Variants in EIF2AK1 observed in about 807,000 individuals in gnomAD.
EIF2AK1 encodes eukaryotic translation initiation factor 2-alpha kinase 1.
EIF2AK1 carries 54 observed loss-of-function variants against 77.9 expected under a neutral mutation model. The ratio of observed to expected loss-of-function variants is 0.69; its 90% confidence interval spans 0.56 to 0.87. EIF2AK1 has a LOEUF of 0.87. EIF2AK1 is among the 40% of genes least tolerant of loss of function. The pLI, the probability that EIF2AK1 is intolerant of heterozygous loss-of-function variation, is 0.00. For missense variants in EIF2AK1, 810 were observed against 768.6 expected, an observed-to-expected ratio of 1.05 and a Z score of -0.64; for synonymous variants, 314 against 290.5, an observed-to-expected ratio of 1.08 and a Z score of -0.82.
chr7:6,056,936 C>A (rs1190548865), intron 1 of EIF2AK1, among the ~76,000 whole-genome samples: 1 of 151,642 alleles, frequency 6.6e-6, no homozygotes, highest in Non-Finnish European at 1.5e-5. Context: ...TTAAAATTTT[C>A]TTCTGTTAAT....
intron 5 of EIF2AK1, 31 bp from the exon 6 acceptor site, chr7:6,046,182 T>A: frequency 3.1e-6 from 4 of 1,296,230 alleles, no homozygotes; most frequent in Non-Finnish European, 4.3e-6. Context: ...CAAAGTATAT[T>A]GTGTCATTAA....
chr7:6,043,326 C>T (rs1788349265), intron 7 of EIF2AK1, among the ~76,000 whole-genome samples: 1 of 152,110 alleles, frequency 6.6e-6, no homozygotes, highest in Non-Finnish European at 1.5e-5. Flanking sequence ...CCTGTAATCC[C>T]AACTCTTTGG....
chr7:6,053,689 T>C (rs995188988), intron 2 of EIF2AK1, among the ~76,000 whole-genome samples: 7 of 108,390 alleles, frequency 6.5e-5, no homozygotes, highest in African/African-American at 2.2e-4. Flanking sequence ...TTTTTTGAGA[T>C]GGACTTTAGC....
At position 6,036,568 on chromosome 7, in the gene EIF2AK1, G is replaced by GTT. The variant is rs113118485; in HGVS notation, c.1332+854_1332+855dup. On this transcript the variant is annotated intron_variant, in intron 11 of 14. Transcript: ENST00000199389. This position sits in a 1 kb window ranked among gnomAD's most constrained non-coding sequence, Gnocchi z 4.6. ...TGTCTATTAACATTTTTGTTCCTAG[G>GTT]TTTTTTTTTTTTTCATGCCCTTTCC... Among the ~76,000 whole-genome samples, 6 of 144,018 alleles carry GTT rather than the reference G, an allele frequency of 4.2e-5. No homozygotes were observed. Among genetic ancestry groups the GTT allele is most frequent in the African/African-American group, 1.0e-4 (4 of 39,384 alleles). 94.5% of individuals were successfully genotyped at this position (144,018 alleles called of 152,430 possible). A position where few individuals can be genotyped will look rare whatever the true frequency, so the allele number is the denominator to read the frequency against.
In EIF2AK1 at chr7:6,036,268, G is replaced by A. The variant is rs750797103; in HGVS notation, c.1332+1156C>T. The A allele has an allele frequency of 3.2e-6, 5 of 1,549,760 alleles. No individual in the cohort carries two copies. Among genetic ancestry groups the A allele is most frequent in the South Asian group, 2.4e-5 (2 of 83,978 alleles). On this transcript the variant is annotated intron_variant, in intron 11 of 14. Coordinates refer to ENST00000199389, the MANE Select transcript of EIF2AK1 (RefSeq NM_014413.4). The surrounding 1 kb of genome is among the most constrained non-coding windows in gnomAD (Gnocchi z 4.6). ...AAACCTTTATCCCTACAGGGTATCT[G>A]CAAAAGAAACATCAGGAATATTTAT...
At chr7:6,053,377 TG>T (rs1583499529) in intron 2 of EIF2AK1, among the ~76,000 whole-genome samples, 3 of 152,332 alleles carry the variant, frequency 2.0e-5, no homozygotes. Context: ...ATTTTTATTT[TG>T]TTGAGACTGA....
At chr7:6,047,550 G>C (rs1177333354) in intron 4 of EIF2AK1, among the ~76,000 whole-genome samples, 1 of 151,906 alleles carries the variant, frequency 6.6e-6, no homozygotes, top group Non-Finnish European at 1.5e-5. Flanking sequence ...GCGGGTGCCT[G>C]TAATCCCAGC....
intron 5 of EIF2AK1, chr7:6,046,425 G>T: frequency 4.5e-6 from 1 of 221,812 alleles, no homozygotes. Flanking sequence ...AACTTTTTTT[G>T]GTAACACATT....
intron 2 of EIF2AK1, among the ~76,000 whole-genome samples, chr7:6,054,048 A>T (rs1427563192): frequency 6.6e-6 from 1 of 151,714 alleles, no homozygotes; most frequent in African/African-American, 2.4e-5. Flanking sequence ...CAAATACTAG[A>T]TCCAATTTAT....
intron 11 of EIF2AK1, chr7:6,031,678 C>A: frequency 2.3e-6 from 3 of 1,322,470 alleles, no homozygotes; most frequent in Non-Finnish European, 3.2e-6. Flanking sequence ...ACCCACTAAG[C>A]TCACGGCCCT....
intron 1 of EIF2AK1, among the ~76,000 whole-genome samples, chr7:6,056,613 A>AAAATATATATATATATATATATAT: frequency 2.7e-4 from 12 of 43,724 alleles, no homozygotes; most frequent in Non-Finnish European, 3.8e-4. Flanking sequence ...AAAAAAAAAA[A>AAAATATATATATATATATATATAT]ATATATATAT....
intron 6 of EIF2AK1, among the ~76,000 whole-genome samples, chr7:6,045,109 A>AC (rs1788409009): frequency 6.9e-6 from 1 of 144,336 alleles, no homozygotes; most frequent in Admixed American, 7.0e-5. Context: ...AATAATAGAA[A>AC]TTTTTTTTTT....
chr7:6,035,588 T>C lies in EIF2AK1; in HGVS notation c.1332+1836A>G. 2 of 1,551,140 alleles carry C rather than the reference T, an allele frequency of 1.3e-6. No homozygotes were observed. The highest frequency in any genetic ancestry group is 1.7e-6 in the Non-Finnish European group (2 of 1,147,088). ...GCATCACATGTCTCCGCATCTTGTGTGCGCACGGAGCTCAAGTGAACACTC... is the reference window on the plus strand; with the variant it reads ...GCATCACATGTCTCCGCATCTTGTGCGCGCACGGAGCTCAAGTGAACACTC... On this transcript the variant is annotated intron_variant, in intron 11 of 14. Coordinates refer to ENST00000199389, the MANE Select transcript of EIF2AK1 (RefSeq NM_014413.4). The surrounding 1 kb of genome is among the most constrained non-coding windows in gnomAD (Gnocchi z 5.5).
Position 6,023,882 on chromosome 7 carries a change from G to A in EIF2AK1, c.*791C>T, listed in dbSNP as rs1317035483. ...TCAGCAAAATCATACGCCATCTACCGTGATGACTGCCAACTCCATGGCAGA... is the reference window on the plus strand; with the variant it reads ...TCAGCAAAATCATACGCCATCTACCATGATGACTGCCAACTCCATGGCAGA... On this transcript the variant is annotated 3_prime_UTR_variant, in exon 15 of 15. Coordinates refer to ENST00000199389, the MANE Select transcript of EIF2AK1 (RefSeq NM_014413.4). 19 of 1,523,824 alleles carry A rather than the reference G, an allele frequency of 1.2e-5. No homozygotes were observed. In the Admixed American group the frequency reaches 1.6e-4, roughly 13 times the overall value. The allele number at this position is 1,523,824 out of a possible 1,614,324, so 94.4% of individuals were successfully genotyped here. A position where few individuals can be genotyped will look rare whatever the true frequency, so the allele number is the denominator to read the frequency against.
chr7:6,027,688 A>G lies in EIF2AK1; in HGVS notation c.1531-727T>C, dbSNP rs1313912147. Among the ~76,000 whole-genome samples the G allele has an allele frequency of 2.0e-5, 3 of 152,092 alleles. No homozygotes were observed. The highest frequency in any genetic ancestry group is 2.9e-5 in the Non-Finnish European group (2 of 68,012). ...ATTTACCAAAGCTTGAAAAAAACCA[A>G]TGAGAAGAAAGGCTGAAAACAGGCT... is the stretch of plus-strand genomic sequence containing the variant. On this transcript the variant is annotated intron_variant, in intron 13 of 14. Coordinates refer to ENST00000199389, the MANE Select transcript of EIF2AK1 (RefSeq NM_014413.4). This position sits in a 1 kb window ranked among gnomAD's most constrained non-coding sequence, Gnocchi z 4.5.
At position 6,022,931 on chromosome 7, in the gene EIF2AK1, C is replaced by T. The variant is rs1787538464; in HGVS notation, c.*1742G>A. 1 of 209,232 alleles carries T rather than the reference C, an allele frequency of 4.8e-6. No individual in the cohort carries two copies. The highest frequency in any genetic ancestry group is 2.3e-5 in the African/African-American group (1 of 43,168). The allele number at this position is 209,232 out of a possible 1,614,324, so 13.0% of individuals were successfully genotyped here. On this transcript the variant is annotated 3_prime_UTR_variant, in exon 15 of 15. Transcript: ENST00000199389. The stretch of plus-strand genomic sequence containing the variant: ...TCATGTCATTCATATCTTAATTGCC[C>T]TCAGTCTCACAGAAGGCGATTATGA...
At chr7:6,056,005 A>AAC (rs1788747446) in intron 1 of EIF2AK1, among the ~76,000 whole-genome samples, 1 of 146,628 alleles carries the variant, frequency 6.8e-6, no homozygotes, top group African/African-American at 2.5e-5. Context: ...AAAAAAAAAA[A>AAC]AAACTAGCTG....
At position 6,028,682 on chromosome 7, in the gene EIF2AK1, G is replaced by A. The variant is rs769682382; in HGVS notation, c.1463C>T (p.Thr488Met). The A allele has an allele frequency of 1.6e-5, 26 of 1,614,100 alleles. No homozygotes were observed. Among genetic ancestry groups the A allele is most frequent in the South Asian group, 1.3e-4 (12 of 91,086 alleles). The change falls in exon 13 of 15, where the codon ACG becomes ATG. Residue 488 changes from threonine (T) to methionine (M), a missense_variant. Around this residue, in one of 3 missense-constraint regions of EIF2AK1, gnomAD observed 549 missense variants for 533.7 expected, o/e 1.03. Transcript: ENST00000199389. ...NRNGKRTPTH[T>M]SRVGTCLYAS... Reference sequence around the variant, plus strand: ...GTACAGACAAGTACCCACTCTGGACGTATGTGTTGGTGTTCCTATCATTTC... The same window carrying A: ...GTACAGACAAGTACCCACTCTGGACATATGTGTTGGTGTTCCTATCATTTC...
intron 9 of EIF2AK1, among the ~76,000 whole-genome samples, chr7:6,038,879 G>C (rs1240604112): frequency 6.6e-6 from 1 of 152,120 alleles, no homozygotes; most frequent in East Asian, 1.9e-4. Flanking sequence ...GAAAGTGACA[G>C]ATAAGGAGAC....
Sources: gnomAD v4.1 joint callset for allele counts (sites outside exome capture counted in the v4.1 genomes callset) on GRCh38, gnomAD v4.1.1 for gene constraint, gnomAD v4.1.1 regional missense constraint, Gnocchi (gnomAD v3.1) non-coding constraint, MANE v1.5 for transcripts, NCBI Gene and HGNC (gene_info 2026-07-23, HGNC 2026-07-21) for gene names.